The following CDH8 variants were observed in gnomAD, a reference collection of about 807,000 sequenced individuals.
CDH8 encodes the protein cadherin-8.
Under a neutral mutation model 68.1 loss-of-function variants are expected in CDH8, and 17 were observed. The observed-to-expected ratio is 0.25, with a 90% CI of 0.17 to 0.37. CDH8 has a LOEUF of 0.37. CDH8 is among the 10% of genes least tolerant of loss of function. The pLI is 1.00. For missense variants in CDH8, 763 were observed against 999.3 expected (o/e 0.76, Z 3.19); for synonymous variants, 372 against 365.1 (o/e 1.02, Z -0.21).
At chr16:61,664,710 GA>G (rs57073742) in intron 10 of CDH8, among the ~76,000 whole-genome samples, 20,677 of 151,578 alleles carry the variant, frequency 0.14, 1,591 homozygotes, top group African/African-American at 0.2. Flanking sequence ...CTTTAGAGAG[GA>G]AAAAAAATCC....
rs1340093531 is a variant in CDH8 at position 61,900,831 on chromosome 16, A to C, written c.547+348T>G. 7.9e-5 allele frequency among the ~76,000 whole-genome samples: 12 copies of C among 152,234 alleles called. No individual in the cohort carries two copies. In the East Asian group the frequency reaches 2.3e-3, roughly 29 times the overall value. On this transcript the variant is annotated intron_variant, in intron 3 of 11. Coordinates refer to ENST00000577390, the MANE Select transcript of CDH8 (RefSeq NM_001796.5). ...TACACAAACAAATAATTAAACATCA[A>C]GCAAATATCAACAGGATTAGCTTGG...
intron 3 of CDH8, among the ~76,000 whole-genome samples, chr16:61,882,756 A>T (rs1179321345): frequency 6.6e-6 from 1 of 152,176 alleles, no homozygotes; most frequent in African/African-American, 2.4e-5. Context: ...AGGCTTGGGA[A>T]TAAGAAGTCA....
intron 8 of CDH8, among the ~76,000 whole-genome samples, chr16:61,746,246 A>C (rs185986810): frequency 9.8e-4 from 149 of 152,144 alleles, no homozygotes; most frequent in Non-Finnish European, 1.8e-3. Context: ...ATTTCTAGAT[A>C]CCTCGGTAAC....
At chr16:61,883,226 T>C (rs1963610839) in intron 3 of CDH8, among the ~76,000 whole-genome samples, 1 of 152,142 alleles carries the variant, frequency 6.6e-6, no homozygotes, top group Admixed American at 6.5e-5. Context: ...AAGAGAAACA[T>C]ACCAGCAGGG....
chr16:61,787,256 C>T (rs1961247678), intron 8 of CDH8, among the ~76,000 whole-genome samples: 1 of 148,508 alleles, frequency 6.7e-6, no homozygotes, highest in Non-Finnish European at 1.5e-5. Context: ...AAAAAACAAA[C>T]AACCCCATCA....
intron 10 of CDH8, among the ~76,000 whole-genome samples, chr16:61,687,683 G>A (rs1174055327): frequency 6.6e-6 from 1 of 152,000 alleles, no homozygotes; most frequent in East Asian, 1.9e-4. Context: ...GCTTTCTGGA[G>A]TCAGACTTTT....
intron 2 of CDH8, among the ~76,000 whole-genome samples, chr16:61,948,688 G>A (rs116378589): frequency 1.3e-5 from 2 of 152,150 alleles, no homozygotes; most frequent in Non-Finnish European, 2.9e-5. Flanking sequence ...TGTTAAATCC[G>A]TAGCTTTAAG....
rs1962202566 is a variant in CDH8 at position 61,821,033 on chromosome 16, C to T, written c.916G>A (p.Gly306Ser). ...TCATATGATGACTGTGCATTTTCAC[C>T]AATATCCTGATCATTGGCCTTCACC... ...GRVKANDQDI[G>S]ENAQSSYDII... The change falls in exon 6 of 12, where the codon GGT (glycine) becomes AGT (serine). Residue 306 changes from glycine (G) to serine (S), a missense_variant. Physicochemically the swap from Gly to Ser is moderately conservative, Grantham distance 56. Transcript: ENST00000577390. The T allele has an allele frequency of 6.2e-7, 1 of 1,612,822 alleles. No individual in the cohort carries two copies. The highest frequency in any genetic ancestry group is 1.7e-5 in the Admixed American group (1 of 59,876).
At chr16:61,754,616 A>T (rs1960263212) in intron 8 of CDH8, among the ~76,000 whole-genome samples, 1 of 152,128 alleles carries the variant, frequency 6.6e-6, no homozygotes, top group South Asian at 2.1e-4. Flanking sequence ...GATATCCATT[A>T]TCTCAAATAT....
intron 3 of CDH8, among the ~76,000 whole-genome samples, chr16:61,889,870 G>A (rs577795497): frequency 1.3e-3 from 196 of 152,190 alleles, no homozygotes; most frequent in Non-Finnish European, 2.1e-3. Flanking sequence ...TCATGGGGTT[G>A]TCTGTGTAGA....
chr16:61,901,032 A>C, intron 3 of CDH8, 147 bp downstream of exon 3: 2 of 691,636 alleles, frequency 2.9e-6, no homozygotes, highest in Non-Finnish European at 4.8e-6. Flanking sequence ...GAGCTGTGGA[A>C]CTTAGGCCAA....
At chr16:62,006,855 A>G (rs571032297) in intron 2 of CDH8, among the ~76,000 whole-genome samples, 89 of 151,828 alleles carry the variant, frequency 5.9e-4, no homozygotes, top group African/African-American at 2.1e-3. Context: ...AGAAAGATAA[A>G]TCTTGTTTTA....
intron 5 of CDH8, among the ~76,000 whole-genome samples, chr16:61,824,809 C>T (rs182795493): frequency 7.9e-5 from 12 of 152,000 alleles, no homozygotes; most frequent in Middle Eastern, 3.4e-3. Context: ...ACTTACTATA[C>T]GCTTGATATT....
At chr16:61,687,974 T>C (rs543914154) in intron 10 of CDH8, among the ~76,000 whole-genome samples, 37 of 151,996 alleles carry the variant, frequency 2.4e-4, no homozygotes, top group Non-Finnish European at 4.4e-4. Context: ...CGTTGGCAAA[T>C]CAGAATACTA....
intron 2 of CDH8, among the ~76,000 whole-genome samples, chr16:61,995,578 C>T (rs1965793511): frequency 1.3e-5 from 2 of 152,100 alleles, no homozygotes; most frequent in Admixed American, 6.6e-5. Context: ...AGAGTTTCAC[C>T]GTGTTAGCCA....
At chr16:61,709,887 T>A (rs1262996721) in intron 10 of CDH8, among the ~76,000 whole-genome samples, 1 of 152,178 alleles carries the variant, frequency 6.6e-6, no homozygotes, top group Non-Finnish European at 1.5e-5. Context: ...ACATTGCAGT[T>A]ACTGTATAAG....
chr16:61,658,554 C>A (rs923553605), intron 10 of CDH8, among the ~76,000 whole-genome samples: 4 of 151,932 alleles, frequency 2.6e-5, no homozygotes, highest in Non-Finnish European at 5.9e-5. Flanking sequence ...TTTTATGCAT[C>A]CTCATTCTTT....
chr16:61,883,288 G>A (rs538496209), intron 3 of CDH8, among the ~76,000 whole-genome samples: 5 of 152,070 alleles, frequency 3.3e-5, no homozygotes, highest in Non-Finnish European at 5.9e-5. Context: ...TTTGTAGTGA[G>A]ATTTTTATCC....
At chr16:61,789,294 A>C (rs548411899) in intron 8 of CDH8, 52 bp downstream of exon 8, 1 of 1,544,186 alleles carries the variant, frequency 6.5e-7, no homozygotes, top group African/African-American at 1.4e-5. Context: ...ATTAATAAGC[A>C]TAAATTGAAC....
Sources: allele counts gnomAD v4.1 joint callset (sites outside exome capture counted in the v4.1 genomes callset), GRCh38; gene constraint gnomAD v4.1.1; transcripts MANE v1.5; gene names NCBI Gene and HGNC (gene_info 2026-07-23, HGNC 2026-07-21).